Variants in PXMP2 observed in about 807,000 individuals in gnomAD.
PXMP2 encodes 22 kDa peroxisomal membrane protein.
Under a neutral mutation model 20.2 loss-of-function variants are expected in PXMP2, and 13 were observed. That is an observed-to-expected ratio of 0.64 (90% CI 0.42 to 1.02). The LOEUF is 1.02. Ranked by LOEUF, PXMP2 falls within the 50% of genes least tolerant of loss-of-function variation. The pLI is 0.00. For missense variants in PXMP2, 284 were observed against 251.8 expected (o/e 1.13, Z -0.87); for synonymous variants, 113 against 111.2 (o/e 1.02, Z -0.10).
rs776819757 is a variant in PXMP2 at position 132,704,770 on chromosome 12, C to A, written c.*83C>A. On this transcript the variant is annotated 3_prime_UTR_variant, in exon 5 of 5. Transcript: ENST00000317479. Reference sequence around the variant, plus strand: ...CCAGCGAGAGCAGAACCAATCCAGTCAGGATGTCACTGACTCTAAATCAGG... The same window carrying A: ...CCAGCGAGAGCAGAACCAATCCAGTAAGGATGTCACTGACTCTAAATCAGG... The A allele has an allele frequency of 3.5e-5, 45 of 1,293,198 alleles. No individual in the cohort carries two copies. The South Asian group carries it at 5.4e-4, about 15-fold the overall frequency. The allele number at this position is 1,293,198 out of a possible 1,614,324, so 80.1% of individuals were successfully genotyped here. A position where few individuals can be genotyped will look rare whatever the true frequency, so the allele number is the denominator to read the frequency against.
At chr12:132,691,745 C>T (rs750501425) in intron 2 of PXMP2, among the ~76,000 whole-genome samples, 2 of 152,196 alleles carry the variant, frequency 1.3e-5, no homozygotes, top group African/African-American at 2.4e-5. Flanking sequence ...GGCCACATAA[C>T]CCCCTATGAC....
chr12:132,687,925 C>T, intron 1 of PXMP2, 133 bp downstream of exon 1: 3 of 901,450 alleles, frequency 3.3e-6, no homozygotes, highest in Non-Finnish European at 4.1e-6. Flanking sequence ...AGCGGGCGCC[C>T]TCCGACCCGG....
At chr12:132,702,938 C>G (rs535910950) in intron 4 of PXMP2, among the ~76,000 whole-genome samples, 1 of 152,290 alleles carries the variant, frequency 6.6e-6, no homozygotes, top group South Asian at 2.1e-4. Context: ...CAGCAGGAAA[C>G]CAGGGGTGCA....
chr12:132,698,413 T>G (rs2043421739), intron 3 of PXMP2, among the ~76,000 whole-genome samples: 1 of 152,242 alleles, frequency 6.6e-6, no homozygotes, highest in African/African-American at 2.4e-5. Context: ...CCTTCATGCC[T>G]TTCCTTACAG....
intron 2 of PXMP2, among the ~76,000 whole-genome samples, chr12:132,694,323 T>C (rs868033037): frequency 4.2e-4 from 33 of 78,354 alleles, no homozygotes; most frequent in African/African-American, 6.9e-4. Context: ...GCTCCCTTAG[T>C]CAGTTAGTTA....
At chr12:132,699,388 A>G (rs35131280) in intron 3 of PXMP2, among the ~76,000 whole-genome samples, 12,075 of 152,194 alleles carry the variant, frequency 0.079, 673 homozygotes, top group South Asian at 0.14. Flanking sequence ...TCCAGCCAGC[A>G]TGGGCAACAG....
chr12:132,699,360 G>A (rs778461985), intron 3 of PXMP2, among the ~76,000 whole-genome samples: 9 of 151,974 alleles, frequency 5.9e-5, no homozygotes, highest in Non-Finnish European at 1.2e-4. Context: ...CAAGTGAGCC[G>A]ACATCACGCC....
rs939911903 is a variant in PXMP2 at position 132,704,966 on chromosome 12, C to T, written c.*279C>T. The T allele has an allele frequency of 1.8e-4, 94 of 520,828 alleles. No individual in the cohort carries two copies. Among genetic ancestry groups the T allele is most frequent in the African/African-American group, 2.5e-4 (13 of 51,206 alleles). The allele number at this position is 520,828 out of a possible 1,614,324, so 32.3% of individuals were successfully genotyped here. On this transcript the variant is annotated 3_prime_UTR_variant, in exon 5 of 5. Coordinates refer to ENST00000317479, the MANE Select transcript of PXMP2 (RefSeq NM_018663.3). ...TGGACCGAATTAGGATCACAATAAA[C>T]GATAATGCAGGTTCTTCAATGGTGA...
chr12:132,687,595 C>T lies in PXMP2; in HGVS notation c.-76C>T, dbSNP rs2043310075. On this transcript the variant is annotated 5_prime_UTR_variant, in exon 1 of 5. Coordinates refer to ENST00000317479, the MANE Select transcript of PXMP2 (RefSeq NM_018663.3). ...AATGTCAGGCGGTCCCCACTCCGCTCTCGGCGCCTCGGGCTCCGCGCCCGG... is the reference window on the plus strand; with the variant it reads ...AATGTCAGGCGGTCCCCACTCCGCTTTCGGCGCCTCGGGCTCCGCGCCCGG... The T allele has an allele frequency of 3.4e-6, 4 of 1,166,480 alleles. No homozygotes were observed. The South Asian group carries it at 1.3e-4, about 38-fold the overall frequency. The allele number at this position is 1,166,480 out of a possible 1,614,324, so 72.3% of individuals were successfully genotyped here.
rs556896240 is a variant in PXMP2, at chr12:132,696,927, A to G, written c.399+881A>G. 9.9e-5 allele frequency among the ~76,000 whole-genome samples: 15 copies of G among 152,086 alleles called. No individual in the cohort carries two copies. Among genetic ancestry groups the G allele is most frequent in the African/African-American group, 3.6e-4 (15 of 41,510 alleles). ...GAGGTGGAGGTTGTGGTGAGCTGAG[A>G]TTGTGCCACTGCACTCCAGTCTGGG... is the stretch of plus-strand genomic sequence containing the variant. On this transcript the variant is annotated intron_variant, in intron 3 of 4. Transcript: ENST00000317479. This position sits in a 1 kb window ranked among gnomAD's most constrained non-coding sequence, Gnocchi z 4.4.
rs1427839257 is a variant in PXMP2 at position 132,687,618 on chromosome 12, C to G, written c.-53C>G. On this transcript the variant is annotated 5_prime_UTR_variant, in exon 1 of 5. Transcript: ENST00000317479. Reference sequence around the variant, plus strand: ...CTCTCGGCGCCTCGGGCTCCGCGCCCGGCCAGCCTGAGGTGGGGTCGGTGC... The same window carrying G: ...CTCTCGGCGCCTCGGGCTCCGCGCCGGGCCAGCCTGAGGTGGGGTCGGTGC... 5 of 1,160,738 alleles carry G rather than the reference C, an allele frequency of 4.3e-6. No homozygotes were observed. The highest frequency in any genetic ancestry group is 3.9e-5 in the East Asian group (1 of 25,354). 71.9% of individuals were successfully genotyped at this position (1,160,738 alleles called of 1,614,324 possible). A position where few individuals can be genotyped will look rare whatever the true frequency, so the allele number is the denominator to read the frequency against.
chr12:132,701,330 G>A lies in PXMP2; in HGVS notation c.480G>A (p.Thr160=), dbSNP rs145917251. The part of the protein sequence containing the change: ...PALRMNWRVW[T]PLQFININYV... ...TGAGGATGAACTGGCGGGTGTGGAC[G>A]CCACTACAGTTCATCAACATCAACT... Residue 160 remains threonine (T), a synonymous_variant, in exon 4 of 5, where the codon ACG becomes ACA. Coordinates refer to ENST00000317479, the MANE Select transcript of PXMP2 (RefSeq NM_018663.3). 215 of 1,612,808 alleles carry A rather than the reference G, an allele frequency of 1.3e-4. No individual in the cohort carries two copies. In the East Asian group the frequency reaches 4.2e-3, roughly 32 times the overall value.
At chr12:132,688,354 G>GAA (rs2043333984) in intron 1 of PXMP2, among the ~76,000 whole-genome samples, 1 of 88,920 alleles carries the variant, frequency 1.1e-5, no homozygotes. Flanking sequence ...GGGTCCTCAT[G>GAA]GAGCGTGTGG....
chr12:132,691,667 C>T (rs1426204538), intron 2 of PXMP2, among the ~76,000 whole-genome samples: 1 of 152,184 alleles, frequency 6.6e-6, no homozygotes, highest in African/African-American at 2.4e-5. Context: ...ACCTAGCAGG[C>T]CTCATCCAAG....
At chr12:132,701,212 A>G (rs200296455) in intron 3 of PXMP2, 38 bp from the exon 4 acceptor site, 76 of 1,612,428 alleles carry the variant, frequency 4.7e-5, no homozygotes, top group Non-Finnish European at 5.8e-5. Flanking sequence ...TCTGATGGGC[A>G]GTGAGACTGT....
At chr12:132,699,178 C>T (rs928428567) in intron 3 of PXMP2, among the ~76,000 whole-genome samples, 11 of 152,200 alleles carry the variant, frequency 7.2e-5, no homozygotes, top group Admixed American at 3.3e-4. Flanking sequence ...GTGAGAACAT[C>T]GGCTGAGGCA....
At chr12:132,692,974 C>CAGTT (rs1200753517) in intron 2 of PXMP2, among the ~76,000 whole-genome samples, 70 of 69,530 alleles carry the variant, frequency 1.0e-3, no homozygotes, top group African/African-American at 1.9e-3. Context: ...CTCCCTTAGC[C>CAGTT]AGTTAGTGAG....
intron 1 of PXMP2, chr12:132,688,218 G>C (rs181085546): frequency 3.5e-3 from 357 of 100,716 alleles, no homozygotes; most frequent in Middle Eastern, 5.4e-3. Context: ...AAGACAGGGC[G>C]AGGGGAGCGG....
chr12:132,687,885 C>G, intron 1 of PXMP2, 93 bp downstream of exon 1: 1 of 1,060,016 alleles, frequency 9.4e-7, no homozygotes. Context: ...CGGGACCAGG[C>G]TGGGGGCGCG....
Sources: allele counts gnomAD v4.1 joint callset (sites outside exome capture counted in the v4.1 genomes callset), GRCh38; gene constraint gnomAD v4.1.1; non-coding constraint Gnocchi (gnomAD v3.1); transcripts MANE v1.5; gene names NCBI Gene and HGNC (gene_info 2026-07-23, HGNC 2026-07-21).